RYR3: variants seen among roughly 807,000 people sequenced by gnomAD.
RYR3 encodes the protein ryanodine receptor 3, also known as brain ryanodine receptor-calcium release channel.
A neutral mutation model predicts 584.3 loss-of-function variants in RYR3; 207 were observed. The observed-to-expected ratio is 0.35, with a 90% CI of 0.32 to 0.40. The LOEUF (loss-of-function observed/expected upper bound fraction) is 0.40. Ranked by LOEUF, RYR3 falls within the 10% of genes least tolerant of loss-of-function variation. The pLI is 1.00. For missense variants in RYR3, 5,616 were observed against 6,089.2 expected (o/e 0.92, Z 2.59); for synonymous variants, 2,416 against 2,248.5 (o/e 1.07, Z -2.11).
At chr15:33,394,621 C>T (rs554870077) in intron 1 of RYR3, among the ~76,000 whole-genome samples, 34 of 152,292 alleles carry the variant, frequency 2.2e-4, no homozygotes, top group African/African-American at 8.2e-4. Context: ...ACTGTAATTT[C>T]AGGGGAAGAA....
chr15:33,743,238 C>G (rs1387515787), intron 52 of RYR3, among the ~76,000 whole-genome samples: 1 of 152,156 alleles, frequency 6.6e-6, no homozygotes, highest in Non-Finnish European at 1.5e-5. Flanking sequence ...AGGCTCAGCT[C>G]GTCCTTCCAG....
At chr15:33,764,106 T>A (rs2072778430) in intron 60 of RYR3, among the ~76,000 whole-genome samples, 1 of 152,020 alleles carries the variant, frequency 6.6e-6, no homozygotes, top group African/African-American at 2.4e-5. Context: ...TATAAATTAT[T>A]CTAATATAAA....
intron 52 of RYR3, among the ~76,000 whole-genome samples, chr15:33,745,334 C>T (rs182255093): frequency 1.3e-5 from 2 of 152,062 alleles, no homozygotes; most frequent in Admixed American, 6.5e-5. Context: ...ATACTAGCCT[C>T]TTCTCGGTGG....
chr15:33,633,165 G>A, intron 24 of RYR3, 57 bp downstream of exon 24: 1 of 1,569,928 alleles, frequency 6.4e-7, no homozygotes, highest in Non-Finnish European at 8.7e-7. Flanking sequence ...TCATCCACGT[G>A]CCGTTTTGCT....
At chr15:33,813,729 C>T in intron 74 of RYR3, 150 bp downstream of exon 74, 1 of 610,418 alleles carries the variant, frequency 1.6e-6, no homozygotes, top group Non-Finnish European at 2.9e-6. Flanking sequence ...GTATAAGGGC[C>T]TGGCTAAGAC....
chr15:33,853,575 T>C lies in RYR3; in HGVS notation c.13692T>C (p.Asp4564=). The C allele has an allele frequency of 6.2e-7, 1 of 1,613,770 alleles. No individual in the cohort carries two copies. The highest frequency in any genetic ancestry group is 2.2e-5 in the East Asian group (1 of 44,878). ...TTCAGGTGATCAACAAGTATGGAGA[T>C]CTCTACGGAGCAGAACGCATTGCTG... ...VKRKVINKYG[D]LYGAERIAEL... Residue 4564 remains aspartate (D), a synonymous_variant, in exon 96 of 104, where the codon GAT becomes GAC. Coordinates refer to ENST00000634891, the MANE Select transcript of RYR3 (RefSeq NM_001036.6).
intron 16 of RYR3, among the ~76,000 whole-genome samples, chr15:33,589,200 G>A (rs566560116): frequency 1.3e-5 from 2 of 152,122 alleles, no homozygotes; most frequent in African/African-American, 2.4e-5. Context: ...TTTGCACTTC[G>A]CTGATGATTA....
intron 63 of RYR3, among the ~76,000 whole-genome samples, chr15:33,773,299 T>C (rs117397918): frequency 0.017 from 2,629 of 152,296 alleles, 48 homozygotes; most frequent in Non-Finnish European, 0.025. Context: ...ATCTTCATGA[T>C]AAGCCCCACA....
chr15:33,736,404 T>C, intron 49 of RYR3, 79 bp downstream of exon 49: 1 of 952,642 alleles, frequency 1.0e-6, no homozygotes, highest in Non-Finnish European at 1.6e-6. Flanking sequence ...CTTCACAATT[T>C]AGAAGGAAAA....
At chr15:33,736,577 A>G (rs11856930) in intron 49 of RYR3, among the ~76,000 whole-genome samples, 64,288 of 151,888 alleles carry the variant, frequency 0.42, 13,915 homozygotes, top group Admixed American at 0.5. Context: ...ATTTAATACG[A>G]GGACTTAGAT....
chr15:33,679,028 G>A (rs1019860308), intron 38 of RYR3, among the ~76,000 whole-genome samples: 3 of 152,112 alleles, frequency 2.0e-5, no homozygotes, highest in Admixed American at 6.5e-5. Flanking sequence ...GAAGTCCATG[G>A]ATTTAACTTT....
Position 33,694,554 on chromosome 15 carries a change from T to TA in RYR3, c.5861-1664_5861-1663insA, listed in dbSNP as rs60021938. ...CCACTGCGCCTGGCCTAGATTTTTT[T>TA]GAATAATATGACAGACAATAAAATT... On this transcript the variant is annotated intron_variant, in intron 38 of 103. Coordinates refer to ENST00000634891, the MANE Select transcript of RYR3 (RefSeq NM_001036.6). Among the ~76,000 whole-genome samples, 1,068 of 152,168 alleles carry TA rather than the reference T, an allele frequency of 7.0e-3. 13 individuals are homozygous for TA. The highest frequency in any genetic ancestry group is 0.024 in the African/African-American group (996 of 41,538).
intron 19 of RYR3, 126 bp downstream of exon 19, chr15:33,613,501 G>A (rs1567665472): frequency 1.1e-5 from 11 of 990,380 alleles, no homozygotes; most frequent in Non-Finnish European, 1.6e-5. Flanking sequence ...CCAGGACAGT[G>A]ATGGTGCAAG....
At position 33,838,171 on chromosome 15, in the gene RYR3, C is replaced by T. The variant is rs1291711433; in HGVS notation, c.12191C>T (p.Ser4064Phe). 1 of 1,613,954 alleles carries T rather than the reference C, an allele frequency of 6.2e-7. No homozygotes were observed. The highest frequency in any genetic ancestry group is 8.5e-7 in the Non-Finnish European group (1 of 1,179,874). Reference protein sequence around the residue: ...TQWEKPQVKESKRQFIFDVVN... With the variant: ...TQWEKPQVKEFKRQFIFDVVN... ...TGGGAGAAGCCCCAGGTGAAGGAATCTAAGCGACAGTTCATTTTTGATGTT... is the reference window on the plus strand; with the variant it reads ...TGGGAGAAGCCCCAGGTGAAGGAATTTAAGCGACAGTTCATTTTTGATGTT... The change falls in exon 89 of 104, where the codon TCT (serine) becomes TTT (phenylalanine). Residue 4064 changes from serine (S) to phenylalanine (F), a missense_variant. This residue lies in a region of RYR3 where 258 missense variants were observed against 297.3 expected (regional missense o/e 0.87). Transcript: ENST00000634891.
At chr15:33,673,123 ACT>A (rs2063948214) in intron 38 of RYR3, among the ~76,000 whole-genome samples, 1 of 151,848 alleles carries the variant, frequency 6.6e-6, no homozygotes. Flanking sequence ...TTTTAAAATC[ACT>A]CTTTTTATCT....
chr15:33,385,797 G>C (rs567781462), intron 1 of RYR3, among the ~76,000 whole-genome samples: 1 of 146,064 alleles, frequency 6.8e-6, no homozygotes, highest in Non-Finnish European at 1.5e-5. Context: ...TCCAACTCCT[G>C]GGCTCAAGCA....
At chr15:33,701,546 C>G (rs1200080069) in intron 42 of RYR3, among the ~76,000 whole-genome samples, 1 of 152,122 alleles carries the variant, frequency 6.6e-6, no homozygotes, top group Non-Finnish European at 1.5e-5. Flanking sequence ...GGCGGCCTCA[C>G]TACGTCTTTT....
intron 43 of RYR3, among the ~76,000 whole-genome samples, chr15:33,712,949 C>T (rs949329503): frequency 2.0e-5 from 3 of 152,294 alleles, no homozygotes; most frequent in Admixed American, 2.0e-4. Flanking sequence ...CCCAGTGCCA[C>T]AAACCTTATA....
intron 14 of RYR3, among the ~76,000 whole-genome samples, chr15:33,582,768 G>A (rs2058659107): frequency 6.6e-6 from 1 of 152,148 alleles, no homozygotes; most frequent in Admixed American, 6.5e-5. Context: ...GATCTGAAAA[G>A]GAGGTTAGGA....
Sources: gnomAD v4.1 joint callset for allele counts (sites outside exome capture counted in the v4.1 genomes callset) on GRCh38, gnomAD v4.1.1 for gene constraint, gnomAD v4.1.1 regional missense constraint, MANE v1.5 for transcripts, NCBI Gene and HGNC (gene_info 2026-07-23, HGNC 2026-07-21) for gene names.